Variants in LRRC4C observed in about 807,000 individuals in gnomAD.
LRRC4C encodes leucine-rich repeat-containing protein 4C.
Under a neutral mutation model 33.6 loss-of-function variants are expected in LRRC4C, and 5 were observed. The ratio of observed to expected loss-of-function variants is 0.15; its 90% confidence interval spans 0.08 to 0.31. LRRC4C has a LOEUF of 0.31. Ranked by LOEUF, LRRC4C falls within the 10% of genes least tolerant of loss-of-function variation. LRRC4C has a pLI of 1.00. For synonymous variants in LRRC4C, 329 were observed against 302.0 expected, an observed-to-expected ratio of 1.09 and a Z score of -0.93; for missense variants, 560 against 796.7, an observed-to-expected ratio of 0.70 and a Z score of 3.58.
intron 1 of LRRC4C, among the ~76,000 whole-genome samples, chr11:41,102,142 T>TA (rs537327199): frequency 6.6e-4 from 100 of 151,760 alleles, no homozygotes; most frequent in African/African-American, 2.1e-3. Flanking sequence ...AAATAAAAGT[T>TA]AAAAAAAAGT....
intron 3 of LRRC4C, among the ~76,000 whole-genome samples, chr11:40,424,128 A>G (rs1312191188): frequency 1.3e-5 from 2 of 152,312 alleles, no homozygotes; most frequent in Non-Finnish European, 2.9e-5. Flanking sequence ...AAATCACCTT[A>G]TTTAAGCTTT....
chr11:40,208,955 G>A (rs574127941), intron 5 of LRRC4C, among the ~76,000 whole-genome samples: 1 of 149,970 alleles, frequency 6.7e-6, no homozygotes, highest in East Asian at 2.0e-4. Flanking sequence ...GCACGTGTGT[G>A]TGTGTGTGTG....
At chr11:41,274,236 G>A (rs115674586) in intron 1 of LRRC4C, among the ~76,000 whole-genome samples, 2,706 of 152,198 alleles carry the variant, frequency 0.018, 77 homozygotes, top group African/African-American at 0.059. Context: ...TTCATTTCAC[G>A]TAGAAGGAAA....
chr11:41,190,673 T>G (rs1238743147), intron 1 of LRRC4C, among the ~76,000 whole-genome samples: 1 of 152,196 alleles, frequency 6.6e-6, no homozygotes, highest in Non-Finnish European at 1.5e-5. Flanking sequence ...CGTCTACACT[T>G]GCATACACAA....
intron 2 of LRRC4C, among the ~76,000 whole-genome samples, chr11:40,771,599 C>A (rs1429313733): frequency 1.3e-5 from 2 of 152,106 alleles, no homozygotes; most frequent in Non-Finnish European, 2.9e-5. Context: ...GCAAATTTTC[C>A]AAACTTTTTT....
intron 1 of LRRC4C, among the ~76,000 whole-genome samples, chr11:41,456,948 A>G (rs973551995): frequency 1.3e-5 from 2 of 152,338 alleles, no homozygotes; most frequent in East Asian, 1.9e-4. Context: ...TGCTTTGCAC[A>G]TTTCATAAGC....
intron 1 of LRRC4C, among the ~76,000 whole-genome samples, chr11:41,079,528 AG>A (rs1004240944): frequency 1.4e-4 from 22 of 152,180 alleles, no homozygotes; most frequent in African/African-American, 5.3e-4. Context: ...GCCCCCCAAG[AG>A]CAAAAAGATG....
chr11:40,453,899 C>T (rs761043926), intron 3 of LRRC4C, among the ~76,000 whole-genome samples: 43 of 152,152 alleles, frequency 2.8e-4, no homozygotes, highest in Middle Eastern at 6.8e-3. Context: ...CTATGAAATA[C>T]GAAACCCATT....
At chr11:41,349,405 C>T (rs970933937) in intron 1 of LRRC4C, among the ~76,000 whole-genome samples, 1 of 152,120 alleles carries the variant, frequency 6.6e-6, no homozygotes, top group South Asian at 2.1e-4. Flanking sequence ...GGACTGGGAA[C>T]ACCTCAACCC....
At chr11:40,773,985 C>T (rs1296942861) in intron 2 of LRRC4C, among the ~76,000 whole-genome samples, 1 of 152,034 alleles carries the variant, frequency 6.6e-6, no homozygotes, top group African/African-American at 2.4e-5. Flanking sequence ...AAATAAAACC[C>T]CATGCCCATC....
chr11:40,969,776 T>A (rs141686452), intron 1 of LRRC4C, among the ~76,000 whole-genome samples: 122 of 152,262 alleles, frequency 8.0e-4, no homozygotes, highest in African/African-American at 2.9e-3. Context: ...AATTAAAAAT[T>A]TTGTGACTCC....
intron 2 of LRRC4C, among the ~76,000 whole-genome samples, chr11:40,841,214 G>C (rs1167278684): frequency 5.9e-5 from 9 of 152,150 alleles, no homozygotes; most frequent in Non-Finnish European, 1.3e-4. Flanking sequence ...TTATTGCTAA[G>C]TCAAAATCTA....
intron 3 of LRRC4C, among the ~76,000 whole-genome samples, chr11:40,632,173 C>G (rs1963529455): frequency 6.6e-6 from 1 of 152,096 alleles, no homozygotes; most frequent in Non-Finnish European, 1.5e-5. Context: ...TTGTGTTAAA[C>G]AAAAATACAG....
At chr11:41,263,320 G>C (rs1474178332) in intron 1 of LRRC4C, among the ~76,000 whole-genome samples, 1 of 152,082 alleles carries the variant, frequency 6.6e-6, no homozygotes, top group African/African-American at 2.4e-5. Flanking sequence ...TTCAAGATTT[G>C]TGAACAAGTG....
chr11:40,351,775 A>T (rs1273009622), intron 3 of LRRC4C: 4 of 151,926 alleles, frequency 2.6e-5, no homozygotes, highest in Non-Finnish European at 4.4e-5. Flanking sequence ...TCACTATATA[A>T]TGACCTTGTT....
At chr11:40,226,079 A>T (rs1037761669) in intron 5 of LRRC4C, among the ~76,000 whole-genome samples, 29 of 152,218 alleles carry the variant, frequency 1.9e-4, no homozygotes, top group African/African-American at 7.0e-4. Flanking sequence ...TCTAGAAATT[A>T]TTACTCCAGT....
chr11:40,463,949 A>G (rs1337566987), intron 3 of LRRC4C, among the ~76,000 whole-genome samples: 1 of 152,036 alleles, frequency 6.6e-6, no homozygotes, highest in Non-Finnish European at 1.5e-5. Flanking sequence ...AATTACTCTG[A>G]GAATATGGAG....
intron 4 of LRRC4C, among the ~76,000 whole-genome samples, chr11:40,278,157 T>C (rs1321306602): frequency 6.6e-6 from 1 of 152,172 alleles, no homozygotes; most frequent in African/African-American, 2.4e-5. Context: ...TCCTTGAACT[T>C]GGCAAGCAAT....
intron 4 of LRRC4C, among the ~76,000 whole-genome samples, chr11:40,285,564 C>G (rs190282710): frequency 1.3e-3 from 197 of 152,256 alleles, no homozygotes; most frequent in South Asian, 1.7e-3. Flanking sequence ...ATCTTTCTCT[C>G]CATTAGATAT....
Sources: allele counts gnomAD v4.1 joint callset (sites outside exome capture counted in the v4.1 genomes callset), GRCh38; gene constraint gnomAD v4.1.1; transcripts MANE v1.5; gene names NCBI Gene and HGNC (gene_info 2026-07-23, HGNC 2026-07-21).